The following GREM2 variants were observed in gnomAD, a reference collection of about 807,000 sequenced individuals.
GREM2 encodes the protein gremlin-2.
A neutral mutation model predicts 14.2 loss-of-function variants in GREM2; 11 were observed. The ratio of observed to expected loss-of-function variants is 0.78; its 90% CI spans 0.49 to 1.28. The LOEUF (loss-of-function observed/expected upper bound fraction) is 1.28, where lower values mean the gene tolerates loss of function less well. Ranked by LOEUF, GREM2 falls within the 50% of genes most tolerant of loss-of-function variation. The pLI is 0.00. For missense variants in GREM2, 210 were observed against 218.5 expected (o/e 0.96, Z 0.24); for synonymous variants, 98 against 97.6 (o/e 1.00, Z -0.02).
intron 1 of GREM2, among the ~76,000 whole-genome samples, chr1:240,524,326 AG>A (rs776339665): frequency 4.6e-5 from 7 of 152,244 alleles, no homozygotes; most frequent in Non-Finnish European, 1.0e-4. Context: ...TGGATTTTTT[AG>A]AGGTAATTTA....
chr1:240,534,609 C>G lies in GREM2; in HGVS notation c.-1-41133G>C, dbSNP rs562963312. Among the ~76,000 whole-genome samples, 44 of 151,246 alleles carry G rather than the reference C, an allele frequency of 2.9e-4. No individual in the cohort carries two copies. The South Asian group carries it at 6.5e-3, about 22-fold the overall frequency. ...CCGGGAGGCTGAGGCAGGAGAATCA[C>G]TTGAACCCAGGAAGTGGAGCTTGCA... On this transcript the variant is annotated intron_variant, in intron 1 of 1. Transcript: ENST00000318160.
At chr1:240,591,459 T>G (rs1679713859) in intron 1 of GREM2, among the ~76,000 whole-genome samples, 1 of 152,206 alleles carries the variant, frequency 6.6e-6, no homozygotes, top group Non-Finnish European at 1.5e-5. Context: ...GGGGCTGGTG[T>G]TGAGGAGGCC....
At chr1:240,538,750 T>G (rs1572389069) in intron 1 of GREM2, among the ~76,000 whole-genome samples, 1 of 151,962 alleles carries the variant, frequency 6.6e-6, no homozygotes, top group Non-Finnish European at 1.5e-5. Context: ...CAAAAAACTT[T>G]TTAGAACCAT....
chr1:240,522,499 GA>G (rs1416281018), intron 1 of GREM2, among the ~76,000 whole-genome samples: 1 of 152,118 alleles, frequency 6.6e-6, no homozygotes, highest in Non-Finnish European at 1.5e-5. Context: ...ATTTACAGTA[GA>G]TTTATAAAAT....
intron 1 of GREM2, among the ~76,000 whole-genome samples, chr1:240,551,917 A>T (rs993900946): frequency 6.6e-6 from 1 of 152,220 alleles, no homozygotes; most frequent in Non-Finnish European, 1.5e-5. Flanking sequence ...TACAAATTTT[A>T]TAGAAAGGGA....
intron 1 of GREM2, among the ~76,000 whole-genome samples, chr1:240,589,456 GAAAA>G (rs1341677156): frequency 6.8e-6 from 1 of 147,554 alleles, no homozygotes; most frequent in Non-Finnish European, 1.5e-5. Context: ...AAAAAAAAAA[GAAAA>G]AAAAGAAAAG....
At chr1:240,592,908 C>T (rs924278677) in intron 1 of GREM2, among the ~76,000 whole-genome samples, 3 of 151,156 alleles carry the variant, frequency 2.0e-5, no homozygotes, top group South Asian at 2.1e-4. Context: ...CCAAGGCAGG[C>T]GGATCACCTG....
At chr1:240,582,820 G>A (rs938921621) in intron 1 of GREM2, among the ~76,000 whole-genome samples, 1 of 151,598 alleles carries the variant, frequency 6.6e-6, no homozygotes, top group Admixed American at 6.6e-5. Context: ...AGAGAAATTT[G>A]TTGTATATTT....
intron 1 of GREM2, among the ~76,000 whole-genome samples, chr1:240,596,465 G>A (rs941785882): frequency 2.0e-5 from 3 of 152,176 alleles, no homozygotes; most frequent in Non-Finnish European, 4.4e-5. Context: ...GGGAGGCTGA[G>A]GCAGGTGGAT....
intron 1 of GREM2, among the ~76,000 whole-genome samples, chr1:240,563,452 A>G (rs1679114521): frequency 6.6e-6 from 1 of 152,216 alleles, no homozygotes; most frequent in South Asian, 2.1e-4. Context: ...CTGTAACATA[A>G]TGGCATAGCA....
intron 1 of GREM2, among the ~76,000 whole-genome samples, chr1:240,556,115 A>T (rs1198776188): frequency 6.6e-6 from 1 of 152,224 alleles, no homozygotes; most frequent in Non-Finnish European, 1.5e-5. Flanking sequence ...CTCTGTTATT[A>T]GATTCCAATA....
chr1:240,503,906 T>G (rs1212827766), intron 1 of GREM2, among the ~76,000 whole-genome samples: 1 of 152,218 alleles, frequency 6.6e-6, no homozygotes, highest in Non-Finnish European at 1.5e-5. Context: ...GTATTTAATC[T>G]TTGTTTCCAC....
chr1:240,557,255 C>T (rs1204766747), intron 1 of GREM2, among the ~76,000 whole-genome samples: 1 of 150,994 alleles, frequency 6.6e-6, no homozygotes, highest in African/African-American at 2.4e-5. Context: ...GGAAGAGAGA[C>T]CTGAGAAACC....
At chr1:240,558,524 G>T (rs926429003) in intron 1 of GREM2, among the ~76,000 whole-genome samples, 1 of 152,028 alleles carries the variant, frequency 6.6e-6, no homozygotes, top group Non-Finnish European at 1.5e-5. Flanking sequence ...CATAAAAATG[G>T]CAGACGGAGG....
rs112636522 is a variant in GREM2, at chr1:240,494,559, T to C, written c.-1-1083A>G. On this transcript the variant is annotated intron_variant, in intron 1 of 1. Coordinates refer to ENST00000318160, the MANE Select transcript of GREM2 (RefSeq NM_022469.4). ...AATAATAACATTAGCATTTAACATC[T>C]GCACACAGATGTTCAAATCATTCAA... is the stretch of plus-strand genomic sequence containing the variant. Among the ~76,000 whole-genome samples the C allele has an allele frequency of 7.1e-3, 1,089 of 152,334 alleles. 10 individuals carry two copies. The highest frequency in any genetic ancestry group is 0.025 in the African/African-American group (1,019 of 41,586).
At chr1:240,564,387 A>G (rs1679134768) in intron 1 of GREM2, among the ~76,000 whole-genome samples, 1 of 151,758 alleles carries the variant, frequency 6.6e-6, no homozygotes, top group Admixed American at 6.6e-5. Flanking sequence ...ATGCGCCTGT[A>G]GTCCCAACTA....
rs1021785073 is a variant in GREM2, at chr1:240,563,288, C to T, written c.-2+48596G>A. 3.3e-5 allele frequency among the ~76,000 whole-genome samples: 5 copies of T among 151,988 alleles called. No individual in the cohort carries two copies. In the East Asian group the frequency reaches 7.7e-4, roughly 23 times the overall value. The stretch of plus-strand genomic sequence containing the variant: ...TTTTAATTTAGTGTCTCTTTACAAA[C>T]GCGCTGCAGTGTTCTAAAAAAAATA... On this transcript the variant is annotated intron_variant, in intron 1 of 1. Transcript: ENST00000318160.
intron 1 of GREM2, among the ~76,000 whole-genome samples, chr1:240,605,548 TTAAAAATCTA>T (rs930144473): frequency 2.6e-5 from 4 of 152,198 alleles, no homozygotes; most frequent in African/African-American, 9.6e-5. Context: ...TAGAGATTTT[TTAAAAATCTA>T]ACCTCTGAAA....
intron 1 of GREM2, among the ~76,000 whole-genome samples, chr1:240,584,756 G>A (rs1179512923): frequency 6.6e-6 from 1 of 151,976 alleles, no homozygotes; most frequent in East Asian, 1.9e-4. Flanking sequence ...TATTTACATA[G>A]CATTTACATT....
Sources: allele counts gnomAD v4.1 joint callset (sites outside exome capture counted in the v4.1 genomes callset), GRCh38; gene constraint gnomAD v4.1.1; transcripts MANE v1.5; gene names NCBI Gene and HGNC (gene_info 2026-07-23, HGNC 2026-07-21).